SLC25A48: variants seen among roughly 807,000 people sequenced by gnomAD.
SLC25A48 encodes the protein solute carrier family 25 member 48.
In SLC25A48, 29 loss-of-function variants were observed where a neutral mutation model predicts 32.2. The observed-to-expected ratio is 0.90, with a 90% CI of 0.67 to 1.23. The LOEUF (loss-of-function observed/expected upper bound fraction) is 1.23, where lower values mean the gene tolerates loss of function less well. SLC25A48 is among the 50% of genes most tolerant of loss of function. SLC25A48 has a pLI of 0.00. For synonymous variants in SLC25A48, 164 were observed against 172.3 expected, an observed-to-expected ratio of 0.95 and a Z score of 0.38; for missense variants, 399 against 422.7, an observed-to-expected ratio of 0.94 and a Z score of 0.49.
intron 3 of SLC25A48, among the ~76,000 whole-genome samples, chr5:135,702,407 AT>A (rs1280241028): frequency 6.6e-6 from 1 of 152,224 alleles, no homozygotes; most frequent in Non-Finnish European, 1.5e-5. Flanking sequence ...TGATGCGTCT[AT>A]AAGCCAAGGA....
chr5:135,626,681 G>A (rs545406771), intron 1 of SLC25A48, among the ~76,000 whole-genome samples: 1 of 152,258 alleles, frequency 6.6e-6, no homozygotes, highest in South Asian at 2.1e-4. Context: ...AGAGGGTAAT[G>A]CCCCAATCTA....
In SLC25A48 at chr5:135,592,356, T is replaced by G. The variant is rs138133922; in HGVS notation, c.-849+12759T>G. On this transcript the variant is annotated intron_variant, in intron 1 of 10. Transcript: ENST00000646290. ...TGCTGCTCCAGGAGTGCTCTTCCAT[T>G]CCTAAACATCTTGACTTTGTTCTGT... is the stretch of plus-strand genomic sequence containing the variant. Among the ~76,000 whole-genome samples the G allele has an allele frequency of 1.6e-3, 247 of 152,294 alleles. 1 individual carries two copies. Among genetic ancestry groups the G allele is most frequent in the African/African-American group, 5.8e-3 (242 of 41,554 alleles).
intron 3 of SLC25A48, among the ~76,000 whole-genome samples, chr5:135,785,003 T>C (rs1756799573): frequency 6.7e-6 from 1 of 149,568 alleles, no homozygotes; most frequent in South Asian, 2.2e-4. Flanking sequence ...CAAATATTTT[T>C]CTTAATATCA....
Sources: gnomAD v4.1 joint callset for allele counts (sites outside exome capture counted in the v4.1 genomes callset) on GRCh38, gnomAD v4.1.1 for gene constraint, MANE v1.5 for transcripts, NCBI Gene and HGNC (gene_info 2026-07-23, HGNC 2026-07-21) for gene names.